Variants in NRXN1 observed in about 807,000 individuals in gnomAD.
The protein encoded by NRXN1 is neurexin-1.
A neutral mutation model predicts 150.9 loss-of-function variants in NRXN1; 39 were observed. The ratio of observed to expected loss-of-function variants is 0.26; its 90% CI spans 0.20 to 0.34. The LOEUF is 0.34. Ranked by LOEUF, NRXN1 falls within the 10% of genes least tolerant of loss-of-function variation. The pLI is 1.00. For missense variants in NRXN1, 1,815 were observed against 1,949.9 expected (o/e 0.93, Z 1.30); for synonymous variants, 924 against 757.0 (o/e 1.22, Z -3.62).
At chr2:50,494,577 G>C (rs181813147) in intron 15 of NRXN1, among the ~76,000 whole-genome samples, 1 of 152,280 alleles carries the variant, frequency 6.6e-6, no homozygotes, top group Non-Finnish European at 1.5e-5. Flanking sequence ...TTTGAAGTTA[G>C]CAAGAAGCCC....
intron 13 of NRXN1, among the ~76,000 whole-genome samples, chr2:50,501,859 C>T (rs1173019461): frequency 6.6e-6 from 1 of 151,916 alleles, no homozygotes; most frequent in Admixed American, 6.6e-5. Context: ...TATGTACTGC[C>T]CTGTGTTCAA....
At chr2:50,180,837 G>A (rs2060663846) in intron 18 of NRXN1, among the ~76,000 whole-genome samples, 1 of 152,112 alleles carries the variant, frequency 6.6e-6, no homozygotes, top group South Asian at 2.1e-4. Context: ...AGTCTTGCAT[G>A]CACTGATAAT....
chr2:49,962,365 T>A (rs976798643), intron 21 of NRXN1, among the ~76,000 whole-genome samples: 5 of 152,240 alleles, frequency 3.3e-5, no homozygotes, highest in South Asian at 2.1e-4. Flanking sequence ...TGGATTTTTT[T>A]AAATTGAGAA....
At chr2:50,997,038 A>G (rs1699409234) in intron 2 of NRXN1, among the ~76,000 whole-genome samples, 1 of 152,052 alleles carries the variant, frequency 6.6e-6, no homozygotes, top group Admixed American at 6.6e-5. Context: ...TGGAGTTTAA[A>G]AAACTGCAAG....
At chr2:50,148,398 C>T (rs1157246837) in intron 18 of NRXN1, among the ~76,000 whole-genome samples, 1 of 151,470 alleles carries the variant, frequency 6.6e-6, no homozygotes, top group East Asian at 1.9e-4. Flanking sequence ...AGAGCACTTG[C>T]TACATTGCTC....
chr2:50,471,674 A>T (rs1320396193), intron 16 of NRXN1, among the ~76,000 whole-genome samples: 1 of 151,876 alleles, frequency 6.6e-6, no homozygotes, highest in Non-Finnish European at 1.5e-5. Context: ...AATGAGAGCT[A>T]AATGAAGAGA....
chr2:50,582,600 A>C (rs1672456346), intron 8 of NRXN1, among the ~76,000 whole-genome samples: 1 of 151,988 alleles, frequency 6.6e-6, no homozygotes, highest in South Asian at 2.1e-4. Flanking sequence ...GCCACTAGCA[A>C]AACTAGCACA....
intron 5 of NRXN1, among the ~76,000 whole-genome samples, chr2:50,855,263 A>T (rs1044623872): frequency 2.0e-5 from 3 of 151,836 alleles, no homozygotes; most frequent in Non-Finnish European, 4.4e-5. Context: ...CTTAAAGTAT[A>T]AAAAAAACTT....
chr2:50,014,935 G>C (rs562575662), intron 21 of NRXN1, among the ~76,000 whole-genome samples: 8 of 152,264 alleles, frequency 5.3e-5, no homozygotes, highest in African/African-American at 1.9e-4. Context: ...AGCCGGTGTA[G>C]TCAAGACTTC....
At position 50,465,548 on chromosome 2, in the gene NRXN1, G is replaced by A. The variant is rs770415859; in HGVS notation, c.3258C>T (p.Thr1086=). 3 of 1,608,776 alleles carry A rather than the reference G, an allele frequency of 1.9e-6. No homozygotes were observed. The highest frequency in any genetic ancestry group is 1.1e-5 in the South Asian group (1 of 90,304). Residue 1086 remains threonine, a synonymous_variant, in exon 17 of 23, where the codon ACC becomes ACT. Coordinates refer to ENST00000401669, the MANE Select transcript of NRXN1 (RefSeq NM_001330078.2). ...GATTGGAACATGAGTCCTCTTGGCA[G>A]GTTGTGCTGGGCCCTGCAAAACAAT... The part of the protein sequence containing the change: ...IERGCEGPST[T]CQEDSCSNQG...
chr2:50,407,264 A>G (rs1048072785), intron 17 of NRXN1, among the ~76,000 whole-genome samples: 1 of 152,138 alleles, frequency 6.6e-6, no homozygotes, highest in African/African-American at 2.4e-5. Flanking sequence ...CCTTGCCCCA[A>G]GATGCTTTTA....
intron 21 of NRXN1, among the ~76,000 whole-genome samples, chr2:50,038,469 T>G (rs1375150835): frequency 1.3e-5 from 2 of 152,278 alleles, no homozygotes; most frequent in Non-Finnish European, 1.5e-5. Context: ...AACAACCATG[T>G]AAGTGAGCTT....
chr2:50,743,798 GA>G (rs1699714991), intron 5 of NRXN1, among the ~76,000 whole-genome samples: 1 of 152,026 alleles, frequency 6.6e-6, no homozygotes, highest in African/African-American at 2.4e-5. Flanking sequence ...AGTAAGACAT[GA>G]CTACTTTATA....
At chr2:50,535,512 A>G (rs2093233718) in intron 10 of NRXN1, among the ~76,000 whole-genome samples, 1 of 152,244 alleles carries the variant, frequency 6.6e-6, no homozygotes, top group Non-Finnish European at 1.5e-5. Context: ...TTAGAATTTA[A>G]CAAACAGTAT....
intron 18 of NRXN1, among the ~76,000 whole-genome samples, chr2:50,133,104 T>G (rs182610202): frequency 2.0e-5 from 3 of 152,210 alleles, no homozygotes; most frequent in Non-Finnish European, 4.4e-5. Flanking sequence ...CTAAAAGCAG[T>G]AATTTAGTAG....
chr2:50,160,295 C>G (rs933735858), intron 18 of NRXN1, among the ~76,000 whole-genome samples: 1 of 152,010 alleles, frequency 6.6e-6, no homozygotes, highest in African/African-American at 2.4e-5. Flanking sequence ...AATCCCAGCA[C>G]TTTGGGAGGT....
At position 50,865,658 on chromosome 2, in the gene NRXN1, GTTTTTTT is replaced by G. The variant is rs71404978; in HGVS notation, c.832+56204_832+56210del. ...AGTAATTCCCAGTAAGCATTTGAAA[GTTTTTTT>G]TTTTTTTTTTTTTTTTTTTTTGGTG... On this transcript the variant is annotated intron_variant, in intron 5 of 22. Transcript: ENST00000401669. 4.8e-4 allele frequency among the ~76,000 whole-genome samples: 20 copies of G among 41,860 alleles called. No individual in the cohort carries two copies. In the East Asian group the frequency reaches 5.1e-3, roughly 11 times the overall value. 27.5% of individuals were successfully genotyped at this position (41,860 alleles called of 152,430 possible). A position where few individuals can be genotyped will look rare whatever the true frequency, so the allele number is the denominator to read the frequency against.
intron 17 of NRXN1, among the ~76,000 whole-genome samples, chr2:50,360,517 G>C (rs997048852): frequency 1.3e-5 from 2 of 152,038 alleles, no homozygotes; most frequent in South Asian, 4.2e-4. Context: ...AGAGAAAGAG[G>C]GGCATTACGT....
intron 17 of NRXN1, among the ~76,000 whole-genome samples, chr2:50,257,190 T>G (rs2067784937): frequency 6.6e-6 from 1 of 152,062 alleles, no homozygotes; most frequent in Non-Finnish European, 1.5e-5. Context: ...AATGTAAAAC[T>G]TTTTCTGTCA....
Sources: allele counts gnomAD v4.1 joint callset (sites outside exome capture counted in the v4.1 genomes callset), GRCh38; gene constraint gnomAD v4.1.1; transcripts MANE v1.5; gene names NCBI Gene and HGNC (gene_info 2026-07-23, HGNC 2026-07-21).